The following KANSL1L variants were observed in gnomAD, a reference collection of about 807,000 sequenced individuals.
The protein encoded by KANSL1L is KAT8 regulatory NSL complex subunit 1-like protein.
A neutral mutation model predicts 108.6 loss-of-function variants in KANSL1L; 25 were observed. The observed-to-expected ratio is 0.23, with a 90% CI of 0.17 to 0.32. The LOEUF is 0.32. Ranked by LOEUF, KANSL1L falls within the 10% of genes least tolerant of loss-of-function variation. The pLI, the probability that KANSL1L is intolerant of heterozygous loss-of-function variation, is 1.00. For synonymous variants in KANSL1L, 405 were observed against 395.1 expected, an observed-to-expected ratio of 1.03 and a Z score of -0.30; for missense variants, 1,137 against 1,125.7, an observed-to-expected ratio of 1.01 and a Z score of -0.14.
intron 3 of KANSL1L, among the ~76,000 whole-genome samples, chr2:210,114,141 A>G (rs1470008502): frequency 6.6e-6 from 1 of 152,176 alleles, no homozygotes; most frequent in African/African-American, 2.4e-5. Context: ...TTATAATCAA[A>G]CTACTGAATG....
At chr2:210,054,190 C>T (rs374554294) in intron 6 of KANSL1L, among the ~76,000 whole-genome samples, 188 of 151,826 alleles carry the variant, frequency 1.2e-3, no homozygotes, top group African/African-American at 4.1e-3. Flanking sequence ...GGCGTGGTGG[C>T]GGGCGCCTGT....
At chr2:210,133,194 A>C (rs754130018) in intron 2 of KANSL1L, among the ~76,000 whole-genome samples, 2 of 152,160 alleles carry the variant, frequency 1.3e-5, no homozygotes, top group African/African-American at 4.8e-5. Context: ...AATGATGTAC[A>C]TGTGCATATA....
At chr2:210,071,492 C>T (rs1232937195) in intron 6 of KANSL1L, among the ~76,000 whole-genome samples, 3 of 152,046 alleles carry the variant, frequency 2.0e-5, no homozygotes, top group African/African-American at 2.4e-5. Flanking sequence ...TGGTTTCAAA[C>T]TCCTGACCTC....
At chr2:210,077,954 C>G (rs921212738) in intron 5 of KANSL1L, among the ~76,000 whole-genome samples, 3 of 152,146 alleles carry the variant, frequency 2.0e-5, no homozygotes, top group African/African-American at 7.2e-5. Flanking sequence ...TGTCACTTAA[C>G]AATGGGGATA....
chr2:210,088,891 GT>G, intron 5 of KANSL1L: 1 of 152,522 alleles, frequency 6.6e-6, no homozygotes. Flanking sequence ...GGAAGGTGGG[GT>G]TTTCAACACC....
At chr2:210,042,171 C>T (rs777293209) in intron 7 of KANSL1L, among the ~76,000 whole-genome samples, 2 of 152,172 alleles carry the variant, frequency 1.3e-5, no homozygotes, top group South Asian at 2.1e-4. Context: ...TCTTAATACC[C>T]GCACGTGACC....
At chr2:210,154,995 A>G (rs1190040441) in intron 1 of KANSL1L, among the ~76,000 whole-genome samples, 4 of 152,212 alleles carry the variant, frequency 2.6e-5, no homozygotes, top group Non-Finnish European at 5.9e-5. Flanking sequence ...TCAGCCAAAA[A>G]TAAGAATTGC....
chr2:210,112,481 AT>A (rs2125467738), intron 3 of KANSL1L, among the ~76,000 whole-genome samples: 1 of 152,324 alleles, frequency 6.6e-6, no homozygotes, highest in East Asian at 1.9e-4. Context: ...TCAAACTAGA[AT>A]TTAACACCAA....
At chr2:210,052,391 T>C (rs377245532) in intron 6 of KANSL1L, among the ~76,000 whole-genome samples, 6 of 152,296 alleles carry the variant, frequency 3.9e-5, no homozygotes, top group Admixed American at 1.3e-4. Context: ...GAAGTTATTG[T>C]CTGTTCTTTG....
At chr2:210,093,141 C>CTGT (rs201744572) in intron 5 of KANSL1L, among the ~76,000 whole-genome samples, 1,578 of 152,014 alleles carry the variant, frequency 0.01, 26 homozygotes, top group African/African-American at 0.034. Context: ...TTCATTTTTG[C>CTGT]TGTTGTTGTT....
At position 210,044,226 on chromosome 2, in the gene KANSL1L, T is replaced by C. The variant is rs1194729112; in HGVS notation, c.1756-122A>G. ...GTTCTACAAAAAGTTTTACAAATAT[T>C]TTGCTAGATGTTTTCCCAATTAACT... On this transcript the variant is annotated intron_variant, in intron 6 of 14. Transcript: ENST00000281772. This position sits in a 1 kb window ranked among gnomAD's most constrained non-coding sequence, Gnocchi z 4.2. 1.8e-6 allele frequency: 1 copy of C among 564,000 alleles called. No individual in the cohort carries two copies. Among genetic ancestry groups the C allele is most frequent in the African/African-American group, 1.9e-5 (1 of 51,292 alleles). 34.9% of individuals were successfully genotyped at this position (564,000 alleles called of 1,614,324 possible).
intron 2 of KANSL1L, among the ~76,000 whole-genome samples, chr2:210,138,452 C>G (rs75783494): frequency 0.011 from 1,680 of 152,000 alleles, 22 homozygotes; most frequent in African/African-American, 0.039. Flanking sequence ...TGCATACATA[C>G]CCTGTAAATC....
chr2:210,082,243 G>A (rs1263677794), intron 5 of KANSL1L, among the ~76,000 whole-genome samples: 1 of 152,140 alleles, frequency 6.6e-6, no homozygotes, highest in East Asian at 1.9e-4. Flanking sequence ...AATTTGTAAG[G>A]ATGCATTTAC....
At chr2:210,028,600 TA>T in intron 11 of KANSL1L, 2 of 334,436 alleles carry the variant, frequency 6.0e-6, no homozygotes, top group Non-Finnish European at 5.4e-6. Context: ...ATAATAATAA[TA>T]AAAAAGACTA....
Position 210,053,005 on chromosome 2 carries a change from C to T in KANSL1L, c.1756-8901G>A, listed in dbSNP as rs146136431. On this transcript the variant is annotated intron_variant, in intron 6 of 14. Transcript: ENST00000281772. ...GGACTTGTCAACTTGGCGGGCTTAA[C>T]CTGGTGGAATTCTGCATCTCTCAAG... Among the ~76,000 whole-genome samples the T allele has an allele frequency of 1.5e-3, 228 of 152,280 alleles. 1 individual carries two copies. The highest frequency in any genetic ancestry group is 2.5e-3 in the Non-Finnish European group (170 of 68,014).
rs905404698 is a variant in KANSL1L, at chr2:210,043,621, C to G, written c.1921+318G>C. The G allele has an allele frequency of 2.6e-5, 5 of 188,884 alleles. No individual in the cohort carries two copies. In the South Asian group the frequency reaches 7.4e-4, roughly 28 times the overall value. The allele number at this position is 188,884 out of a possible 1,614,324, so 11.7% of individuals were successfully genotyped here. A position where few individuals can be genotyped will look rare whatever the true frequency, so the allele number is the denominator to read the frequency against. On this transcript the variant is annotated intron_variant, in intron 7 of 14. Transcript: ENST00000281772. ...AAAAGAACACTGAATTACCATTACT[C>G]AGAAACATTTCAACAGCACAGCCAT...
intron 5 of KANSL1L, among the ~76,000 whole-genome samples, chr2:210,087,748 A>C (rs972495539): frequency 1.3e-5 from 2 of 152,218 alleles, no homozygotes; most frequent in Admixed American, 1.3e-4. Context: ...TTAACAAAAT[A>C]ACATCACATT....
intron 3 of KANSL1L, among the ~76,000 whole-genome samples, chr2:210,118,846 G>C (rs116456673): frequency 0.015 from 1,990 of 131,766 alleles, 55 homozygotes; most frequent in African/African-American, 0.056. Context: ...CCTGTCTCAA[G>C]AGAAAAAAAA....
At chr2:210,030,348 ATAAG>A (rs1377375376) in intron 9 of KANSL1L, among the ~76,000 whole-genome samples, 2 of 151,918 alleles carry the variant, frequency 1.3e-5, no homozygotes, top group African/African-American at 4.8e-5. Flanking sequence ...TTCTGCTATT[ATAAG>A]TACATGTTTC....
Sources: gnomAD v4.1 joint callset for allele counts (sites outside exome capture counted in the v4.1 genomes callset) on GRCh38, gnomAD v4.1.1 for gene constraint, Gnocchi (gnomAD v3.1) non-coding constraint, MANE v1.5 for transcripts, NCBI Gene and HGNC (gene_info 2026-07-23, HGNC 2026-07-21) for gene names.